The following GTPBP1 variants were observed in gnomAD, a reference collection of about 807,000 sequenced individuals.
GTPBP1 encodes the protein GTP binding protein 1.
In GTPBP1, 23 loss-of-function variants were observed where a neutral mutation model predicts 62.0. That is an observed-to-expected ratio of 0.37 (90% CI 0.27 to 0.53). The LOEUF (loss-of-function observed/expected upper bound fraction) is 0.53. Ranked by LOEUF, GTPBP1 falls within the 20% of genes least tolerant of loss-of-function variation. The probability of loss-of-function intolerance (pLI) is 0.89; values close to 1 mark genes in which losing one functional copy is unlikely to be tolerated. For synonymous variants in GTPBP1, 344 were observed against 364.4 expected, an observed-to-expected ratio of 0.94 and a Z score of 0.64; for missense variants, 640 against 917.3, an observed-to-expected ratio of 0.70 and a Z score of 3.90.
rs990131392 is a variant in GTPBP1, at chr22:38,722,806, C to T, written c.958+941C>T. 3 of 1,595,358 alleles carry T rather than the reference C, an allele frequency of 1.9e-6. No homozygotes were observed. The African/African-American group carries it at 4.0e-5, about 21-fold the overall frequency. On this transcript the variant is annotated intron_variant, in intron 5 of 11. Transcript: ENST00000216044. ...GGATTTGGCTTGATTGTAGGAGAAT[C>T]CAGTGTCCAGTTTGCTGGGCAGACT...
At chr22:38,725,641 A>G (rs1046375435) in intron 6 of GTPBP1, among the ~76,000 whole-genome samples, 1 of 152,064 alleles carries the variant, frequency 6.6e-6, no homozygotes, top group Admixed American at 6.6e-5. Flanking sequence ...GTGTTGGGAG[A>G]GGGATTTGGG....
intron 10 of GTPBP1, chr22:38,729,173 A>C (rs1029445335): frequency 3.4e-6 from 1 of 290,046 alleles, no homozygotes; most frequent in Non-Finnish European, 6.4e-6. Flanking sequence ...TCTCTGCAGG[A>C]ATAGTAGCTG....
downstream of GTPBP1, chr22:38,742,435 G>T (rs2092866968): frequency 6.2e-7 from 1 of 1,613,446 alleles, no homozygotes; most frequent in South Asian, 1.1e-5. Flanking sequence ...GGAGCCCCTT[G>T]CCGCAGCTCC....
downstream of GTPBP1, chr22:38,737,862 G>A (rs1336089244): frequency 2.8e-5 from 16 of 569,442 alleles, 1 homozygote; most frequent in Non-Finnish European, 4.8e-5. The surrounding 1 kb of genome is among the most constrained non-coding windows in gnomAD (Gnocchi z 4.1). Context: ...ATGTGCTGGC[G>A]GCGGCTCCTC....
chr22:38,716,715 G>A lies in GTPBP1; in HGVS notation c.549G>A (p.Gly183=). ...KSTLLGVLTH[G]ELDNGRGFAR... ...CGCTTCTGGGGGTCCTGACACATGG[G>A]GAGCTGGACAATGGCCGAGGCTTTG... is the stretch of plus-strand genomic sequence containing the variant. Residue 183 remains glycine (G), a synonymous_variant, in exon 4 of 12, where the codon GGG becomes GGA. Transcript: ENST00000216044. This position sits in a 1 kb window ranked among gnomAD's most constrained non-coding sequence, Gnocchi z 5.2. 1 of 1,614,194 alleles carries A rather than the reference G, an allele frequency of 6.2e-7. No individual in the cohort carries two copies. Among genetic ancestry groups the A allele is most frequent in the African/African-American group, 1.3e-5 (1 of 75,046 alleles).
downstream of GTPBP1, chr22:38,742,208 C>T: frequency 2.7e-6 from 4 of 1,464,478 alleles, no homozygotes; most frequent in Non-Finnish European, 3.7e-6. Context: ...GCTGTCTGAT[C>T]CCAAATGACA....
At chr22:38,737,867 C>T (rs1451623622), downstream of GTPBP1, 3 of 584,860 alleles carry the variant, frequency 5.1e-6, no homozygotes, top group African/African-American at 3.7e-5. The surrounding 1 kb of genome is among the most constrained non-coding windows in gnomAD (Gnocchi z 4.1). Context: ...CTGGCGGCGG[C>T]TCCTCGAACG....
chr22:38,730,715 G>GGT lies in GTPBP1; in HGVS notation c.*12_*13insTG. On this transcript the variant is annotated 3_prime_UTR_variant, in exon 12 of 12. Transcript: ENST00000216044. This position sits in a 1 kb window ranked among gnomAD's most constrained non-coding sequence, Gnocchi z 5.6. ...GCCAGCGGCTGCTGAACCTTCCCCT[G>GGT]GCCCACCCTCACCACCCAAGGGGTC... The GGT allele has an allele frequency of 6.7e-7, 1 of 1,499,734 alleles. No homozygotes were observed. Among genetic ancestry groups the GGT allele is most frequent in the South Asian group, 1.2e-5 (1 of 84,896 alleles). 92.9% of individuals were successfully genotyped at this position (1,499,734 alleles called of 1,614,324 possible). A position where few individuals can be genotyped will look rare whatever the true frequency, so the allele number is the denominator to read the frequency against.
In GTPBP1 at chr22:38,716,807, A is replaced by G; in HGVS notation, c.641A>G (p.Asp214Gly). The G allele has an allele frequency of 6.2e-7, 1 of 1,614,214 alleles. No homozygotes were observed. The highest frequency in any genetic ancestry group is 1.6e-4 in the Middle Eastern group (1 of 6,062). Residue 214 changes from aspartate to glycine, a missense_variant, in exon 4 of 12, where the codon GAC becomes GGC. Asp to Gly is a moderately conservative substitution (Grantham distance 94, BLOSUM62 -1). This residue lies in a region of GTPBP1 where 88 missense variants were observed against 217.0 expected (regional missense o/e 0.41). Transcript: ENST00000216044. The surrounding 1 kb of genome is among the most constrained non-coding windows in gnomAD (Gnocchi z 5.2). ...GGTCGCACCAGCAGTGTGGGCAACG[A>G]CATTCTGGGCTTTGACAGTGAAGGC... ...ESGRTSSVGN[D>G]ILGFDSEGNV...
downstream of GTPBP1, chr22:38,739,339 T>C: frequency 1.2e-6 from 2 of 1,612,946 alleles, no homozygotes; most frequent in Non-Finnish European, 1.7e-6. The surrounding 1 kb of genome is among the most constrained non-coding windows in gnomAD (Gnocchi z 6.7). Flanking sequence ...GCAGAGCACG[T>C]ACCTCCTGAC....
chr22:38,742,258 T>C, downstream of GTPBP1: 7 of 1,547,030 alleles, frequency 4.5e-6, no homozygotes, highest in Non-Finnish European at 6.1e-6. Flanking sequence ...CGCTTTCCTA[T>C]GGGTGTCACC....
chr22:38,709,009 G>C, intron 2 of GTPBP1, 53 bp downstream of exon 2: 2 of 1,106,748 alleles, frequency 1.8e-6, no homozygotes, highest in Non-Finnish European at 2.8e-6. Flanking sequence ...GGCCGGGTGC[G>C]GTGGCCCTGC....
downstream of GTPBP1, chr22:38,735,161 C>G (rs551068411): frequency 9.1e-6 from 4 of 438,864 alleles, no homozygotes; most frequent in Non-Finnish European, 9.1e-6. Flanking sequence ...CCTCCTCCCC[C>G]TTCCCTATCC....
At chr22:38,738,312 A>G, downstream of GTPBP1, 1 of 1,509,534 alleles carries the variant, frequency 6.6e-7, no homozygotes, top group Non-Finnish European at 9.2e-7. This position sits in a 1 kb window ranked among gnomAD's most constrained non-coding sequence, Gnocchi z 6.6. Context: ...AGCAGGGAGA[A>G]CACCCCTCCC....
intron 10 of GTPBP1, 180 bp from the exon 11 acceptor site, chr22:38,729,282 A>G: frequency 1.9e-6 from 1 of 532,906 alleles, no homozygotes. Flanking sequence ...AGTGGGGATG[A>G]GAATGCCTCT....
chr22:38,738,384 A>G (rs2092825654), downstream of GTPBP1: 24 of 1,105,092 alleles, frequency 2.2e-5, no homozygotes, highest in Non-Finnish European at 3.1e-5. The surrounding 1 kb of genome is among the most constrained non-coding windows in gnomAD (Gnocchi z 6.6). Flanking sequence ...ATGACAAGTC[A>G]CTTCACTCTC....
intron 6 of GTPBP1, chr22:38,725,204 C>G (rs749824177): frequency 1.3e-5 from 2 of 152,350 alleles, no homozygotes; most frequent in Non-Finnish European, 2.9e-5. Flanking sequence ...TCTTGAGTGC[C>G]TATTCTGTGC....
At chr22:38,741,691 T>TGG, downstream of GTPBP1, 1 of 898,974 alleles carries the variant, frequency 1.1e-6, no homozygotes, top group Non-Finnish European at 1.8e-6. Flanking sequence ...GCCCTGGCTC[T>TGG]CAGCCTTCTC....
downstream of GTPBP1, chr22:38,740,265 ACGT>A (rs1569296481): frequency 6.4e-7 from 1 of 1,571,532 alleles, no homozygotes; most frequent in South Asian, 1.2e-5. The surrounding 1 kb of genome is among the most constrained non-coding windows in gnomAD (Gnocchi z 4.8). Flanking sequence ...GTTCCCACTC[ACGT>A]CGTCCCGCAC....
Sources: allele counts gnomAD v4.1 joint callset (sites outside exome capture counted in the v4.1 genomes callset), GRCh38; gene constraint gnomAD v4.1.1; regional missense constraint gnomAD v4.1.1; non-coding constraint Gnocchi (gnomAD v3.1); transcripts MANE v1.5; gene names NCBI Gene and HGNC (gene_info 2026-07-23, HGNC 2026-07-21).